FGF12: variants seen among roughly 807,000 people sequenced by gnomAD.
The protein encoded by FGF12 is fibroblast growth factor 12.
A neutral mutation model predicts 23.6 loss-of-function variants in FGF12; 14 were observed. The observed-to-expected ratio is 0.59, with a 90% CI of 0.39 to 0.93. FGF12 has a LOEUF of 0.93. FGF12 is among the 40% of genes least tolerant of loss of function. The pLI is 0.00. For synonymous variants in FGF12, 62 were observed against 77.3 expected, an observed-to-expected ratio of 0.80 and a Z score of 1.04; for missense variants, 175 against 217.8, an observed-to-expected ratio of 0.80 and a Z score of 1.24.
At chr3:192,163,621 G>A (rs141650150) in intron 5 of FGF12, among the ~76,000 whole-genome samples, 1 of 152,184 alleles carries the variant, frequency 6.6e-6, no homozygotes, top group Non-Finnish European at 1.5e-5. Context: ...TAGAGTCCTA[G>A]GTCATACATA....
chr3:192,716,086 C>G (rs1375864209), intron 2 of FGF12, among the ~76,000 whole-genome samples: 2 of 152,232 alleles, frequency 1.3e-5, no homozygotes, highest in Non-Finnish European at 1.5e-5. Flanking sequence ...ACTAGATTGT[C>G]TACACCAGGT....
At chr3:192,461,967 G>A (rs926070005) in intron 2 of FGF12, among the ~76,000 whole-genome samples, 1 of 151,588 alleles carries the variant, frequency 6.6e-6, no homozygotes, top group African/African-American at 2.4e-5. Context: ...TCCAGCCTGG[G>A]CAACAAGAGC....
chr3:192,469,879 T>C (rs548134183), intron 2 of FGF12, among the ~76,000 whole-genome samples: 2 of 152,350 alleles, frequency 1.3e-5, no homozygotes, highest in South Asian at 4.1e-4. Context: ...ACCACTTATG[T>C]AAATTTAAAA....
chr3:192,350,773 G>A (rs147693505), intron 3 of FGF12, among the ~76,000 whole-genome samples: 29 of 152,298 alleles, frequency 1.9e-4, no homozygotes, highest in African/African-American at 6.5e-4. Flanking sequence ...ATTGGTCATA[G>A]GAAAAAGGTC....
intron 2 of FGF12, among the ~76,000 whole-genome samples, chr3:192,378,790 T>C (rs191502150): frequency 6.6e-6 from 1 of 152,252 alleles, no homozygotes; most frequent in Non-Finnish European, 1.5e-5. Flanking sequence ...CAGGGATACA[T>C]ATGCAGGTTT....
chr3:192,475,809 C>T (rs921249150), intron 2 of FGF12, among the ~76,000 whole-genome samples: 1 of 152,098 alleles, frequency 6.6e-6, no homozygotes, highest in Non-Finnish European at 1.5e-5. Context: ...AATACGATTC[C>T]GACCTAATAG....
Position 192,409,899 on chromosome 3 carries a change from G to A in FGF12, c.14-49361C>T, listed in dbSNP as rs1721135790. On this transcript the variant is annotated intron_variant, in intron 2 of 5. Transcript: ENST00000445105. This position sits in a 1 kb window ranked among gnomAD's most constrained non-coding sequence, Gnocchi z 4.8. ...GCTCAGAGCCGCGGGCTTGCGGGGC[G>A]CCCCCCGCCGCCGCGCCGCCGCCTC... is the stretch of plus-strand genomic sequence containing the variant. Among the ~76,000 whole-genome samples, 2 of 151,556 alleles carry A rather than the reference G, an allele frequency of 1.3e-5. No individual in the cohort carries two copies. The highest frequency in any genetic ancestry group is 2.4e-5 in the African/African-American group (1 of 41,362).
chr3:192,515,689 G>A (rs910712359), intron 2 of FGF12, among the ~76,000 whole-genome samples: 3 of 152,152 alleles, frequency 2.0e-5, no homozygotes, highest in Non-Finnish European at 4.4e-5. Flanking sequence ...GGCAGGTGAG[G>A]CGAGAAATCT....
chr3:192,507,053 G>A (rs1327998572), intron 2 of FGF12, among the ~76,000 whole-genome samples: 6 of 151,860 alleles, frequency 4.0e-5, no homozygotes, highest in South Asian at 4.2e-4. Flanking sequence ...CACCACGCCC[G>A]GCTAATTTTT....
chr3:192,384,677 ATCTC>A (rs1406265362), intron 2 of FGF12, among the ~76,000 whole-genome samples: 5 of 152,188 alleles, frequency 3.3e-5, no homozygotes, highest in African/African-American at 7.2e-5. Flanking sequence ...CACATATACA[ATCTC>A]TCTAAGACTA....
intron 2 of FGF12, among the ~76,000 whole-genome samples, chr3:192,431,858 T>G (rs548218753): frequency 6.6e-6 from 1 of 152,210 alleles, no homozygotes; most frequent in Non-Finnish European, 1.5e-5. Context: ...CCAGGTCATT[T>G]AATAGGAAGC....
chr3:192,144,279 T>C, intron 5 of FGF12, 152 bp from the exon 6 acceptor site: 1 of 549,092 alleles, frequency 1.8e-6, no homozygotes. Flanking sequence ...AATCAGTGAA[T>C]ACACTTAATT....
intron 2 of FGF12, among the ~76,000 whole-genome samples, chr3:192,627,227 TA>T (rs1715203565): frequency 6.6e-6 from 1 of 152,078 alleles, no homozygotes; most frequent in African/African-American, 2.4e-5. Flanking sequence ...TGTAATATAA[TA>T]AATAAAATTT....
chr3:192,239,925 G>A (rs2366571), intron 4 of FGF12, among the ~76,000 whole-genome samples: 1 of 151,684 alleles, frequency 6.6e-6, no homozygotes, highest in Admixed American at 6.5e-5. Context: ...AGGTCTTAGT[G>A]AAACAGGGTA....
intron 2 of FGF12, among the ~76,000 whole-genome samples, chr3:192,363,788 G>A (rs774747132): frequency 3.3e-5 from 5 of 152,164 alleles, no homozygotes; most frequent in Non-Finnish European, 4.4e-5. Flanking sequence ...TTAAAGAAAG[G>A]AGGTATAAAA....
intron 5 of FGF12, among the ~76,000 whole-genome samples, chr3:192,150,245 T>A (rs1207657645): frequency 1.1e-5 from 1 of 86,974 alleles, no homozygotes. Flanking sequence ...GTTGCGAAAA[T>A]TTTCTCCCAT....
rs62711761 is a variant in FGF12 at position 192,555,802 on chromosome 3, G to GA, written c.13+171378dup. On this transcript the variant is annotated intron_variant, in intron 2 of 5. Transcript: ENST00000445105. ...GACAAGAGGAAAACTCCATCTCGGG[G>GA]AAAAAAAAAAAAGATGTAATTTGTG... is the stretch of plus-strand genomic sequence containing the variant. Among the ~76,000 whole-genome samples, 364 of 143,348 alleles carry GA rather than the reference G, an allele frequency of 2.5e-3. 1 individual carries two copies. Among genetic ancestry groups the GA allele is most frequent in the African/African-American group, 7.4e-3 (292 of 39,438 alleles). The allele number at this position is 143,348 out of a possible 152,430, so 94.0% of individuals were successfully genotyped here.
chr3:192,182,352 T>C lies in FGF12; in HGVS notation c.229-11696A>G, dbSNP rs552730064. 2.0e-4 allele frequency among the ~76,000 whole-genome samples: 31 copies of C among 152,256 alleles called. No individual in the cohort carries two copies. In the South Asian group the frequency reaches 4.2e-3, roughly 20 times the overall value. ...ACTAGTTAAATATAGACTACAGACCTCCAATTACTAATAGGGTTTTATTTC... is the reference window on the plus strand; with the variant it reads ...ACTAGTTAAATATAGACTACAGACCCCCAATTACTAATAGGGTTTTATTTC... On this transcript the variant is annotated intron_variant, in intron 4 of 5. Coordinates refer to ENST00000445105, the MANE Select transcript of FGF12 (RefSeq NM_004113.6).
At chr3:192,693,836 A>T (rs1426771887) in intron 2 of FGF12, among the ~76,000 whole-genome samples, 1 of 152,170 alleles carries the variant, frequency 6.6e-6, no homozygotes, top group Non-Finnish European at 1.5e-5. Flanking sequence ...TTTCCTTTGC[A>T]GTGATTTTTA....
Sources: gnomAD v4.1 joint callset for allele counts (sites outside exome capture counted in the v4.1 genomes callset) on GRCh38, gnomAD v4.1.1 for gene constraint, Gnocchi (gnomAD v3.1) non-coding constraint, MANE v1.5 for transcripts, NCBI Gene and HGNC (gene_info 2026-07-23, HGNC 2026-07-21) for gene names.